The following SGMS1 variants were observed in gnomAD, a reference collection of about 807,000 sequenced individuals.
The protein encoded by SGMS1 is phosphatidylcholine:ceramide cholinephosphotransferase 1.
A neutral mutation model predicts 46.2 loss-of-function variants in SGMS1; 13 were observed. The observed-to-expected ratio is 0.28, with a 90% CI of 0.18 to 0.45. The LOEUF (loss-of-function observed/expected upper bound fraction) is 0.45, where lower values mean the gene tolerates loss of function less well. Ranked by LOEUF, SGMS1 falls within the 20% of genes least tolerant of loss-of-function variation. SGMS1 has a pLI of 1.00. For missense variants in SGMS1, 324 were observed against 519.9 expected, an observed-to-expected ratio of 0.62 and a Z score of 3.66; for synonymous variants, 203 against 187.8, an observed-to-expected ratio of 1.08 and a Z score of -0.66.
At chr10:50,409,075 A>G (rs1849062170) in intron 6 of SGMS1, among the ~76,000 whole-genome samples, 1 of 152,156 alleles carries the variant, frequency 6.6e-6, no homozygotes, top group South Asian at 2.1e-4. Context: ...GAAAGAGGTA[A>G]TGTTAGAATT....
intron 8 of SGMS1, among the ~76,000 whole-genome samples, chr10:50,311,651 A>G (rs1199025843): frequency 6.6e-6 from 1 of 152,234 alleles, no homozygotes; most frequent in African/African-American, 2.4e-5. Flanking sequence ...AGCACTTTTT[A>G]AAGCACGTGT....
rs376258306 is a variant in SGMS1 at position 50,376,048 on chromosome 10, C to A, written c.-231-31703G>T. On this transcript the variant is annotated intron_variant, in intron 6 of 10. Coordinates refer to ENST00000361781, the MANE Select transcript of SGMS1 (RefSeq NM_147156.4). ...TATAAGTCAAAGGTTTGGTCTCATG[C>A]TTTTATTTCTTCTAATTAAAAGGTA... Among the ~76,000 whole-genome samples, 3 of 152,030 alleles carry A rather than the reference C, an allele frequency of 2.0e-5. No homozygotes were observed. In the East Asian group the frequency reaches 5.8e-4, roughly 29 times the overall value.
intron 6 of SGMS1, among the ~76,000 whole-genome samples, chr10:50,410,709 T>C (rs7900063): frequency 0.031 from 4,788 of 152,228 alleles, 238 homozygotes; most frequent in African/African-American, 0.11. Context: ...ATTTGGAACT[T>C]AGGCAGATTT....
At chr10:50,378,529 A>G (rs955405582) in intron 6 of SGMS1, among the ~76,000 whole-genome samples, 2 of 152,224 alleles carry the variant, frequency 1.3e-5, no homozygotes, top group African/African-American at 4.8e-5. Context: ...ACAGCCAACT[A>G]CAGCAGTAAA....
intron 6 of SGMS1, among the ~76,000 whole-genome samples, chr10:50,404,950 A>G (rs749270647): frequency 6.6e-6 from 1 of 152,228 alleles, no homozygotes; most frequent in Non-Finnish European, 1.5e-5. Flanking sequence ...AAGTACAAAG[A>G]AAAAGCTAAG....
At chr10:50,545,836 T>C (rs1838096480) in intron 2 of SGMS1, among the ~76,000 whole-genome samples, 1 of 152,144 alleles carries the variant, frequency 6.6e-6, no homozygotes. Context: ...TTGGGGTATT[T>C]ATGGAGCTTA....
At chr10:50,439,396 A>G (rs1849514188) in intron 5 of SGMS1, among the ~76,000 whole-genome samples, 1 of 152,198 alleles carries the variant, frequency 6.6e-6, no homozygotes, top group Non-Finnish European at 1.5e-5. Context: ...AGAAATGCTC[A>G]TTAGTCTTCT....
intron 1 of SGMS1, among the ~76,000 whole-genome samples, chr10:50,619,006 G>A (rs964446430): frequency 6.6e-6 from 1 of 152,074 alleles, no homozygotes; most frequent in Non-Finnish European, 1.5e-5. Context: ...TTAAGAAAAT[G>A]CACACAGACC....
At chr10:50,576,159 C>T (rs997379420) in intron 2 of SGMS1, among the ~76,000 whole-genome samples, 1 of 152,150 alleles carries the variant, frequency 6.6e-6, no homozygotes, top group Admixed American at 6.6e-5. Context: ...AGCTTCTGAT[C>T]CATGAGGTAC....
chr10:50,575,111 G>C (rs772653890), intron 2 of SGMS1, among the ~76,000 whole-genome samples: 18 of 151,678 alleles, frequency 1.2e-4, no homozygotes, highest in Non-Finnish European at 2.7e-4. Context: ...ATGATTACCA[G>C]GGAACGGGGG....
At chr10:50,522,604 C>A (rs530074288) in intron 2 of SGMS1, among the ~76,000 whole-genome samples, 1 of 152,202 alleles carries the variant, frequency 6.6e-6, no homozygotes, top group East Asian at 1.9e-4. Context: ...ACTGGTGGGT[C>A]CTCTTGATCC....
At chr10:50,459,448 G>A (rs1837237123) in intron 5 of SGMS1, among the ~76,000 whole-genome samples, 1 of 152,140 alleles carries the variant, frequency 6.6e-6, no homozygotes, top group African/African-American at 2.4e-5. Context: ...TTGTTGCCCA[G>A]GCTGGAGTGC....
chr10:50,375,780 T>C (rs182163995), intron 6 of SGMS1, among the ~76,000 whole-genome samples: 100 of 152,250 alleles, frequency 6.6e-4, no homozygotes, highest in African/African-American at 2.2e-3. Context: ...TGTACAGACC[T>C]CAAAACAGCA....
At chr10:50,388,674 C>G (rs563181730) in intron 6 of SGMS1, among the ~76,000 whole-genome samples, 8 of 151,950 alleles carry the variant, frequency 5.3e-5, no homozygotes, top group African/African-American at 1.9e-4. Flanking sequence ...ATAGCGAGCG[C>G]TTGATATGTA....
intron 2 of SGMS1, among the ~76,000 whole-genome samples, chr10:50,551,134 T>C (rs1435003871): frequency 1.3e-5 from 2 of 151,958 alleles, no homozygotes; most frequent in Non-Finnish European, 2.9e-5. Context: ...AACTTGACAG[T>C]GGAGAAACCT....
chr10:50,527,978 T>C (rs1837919285), intron 2 of SGMS1, among the ~76,000 whole-genome samples: 1 of 152,188 alleles, frequency 6.6e-6, no homozygotes, highest in African/African-American at 2.4e-5. Context: ...AGAAAATTTA[T>C]GAAAGAGTTT....
chr10:50,381,396 C>T (rs977200340), intron 6 of SGMS1, among the ~76,000 whole-genome samples: 1 of 151,968 alleles, frequency 6.6e-6, no homozygotes, highest in Non-Finnish European at 1.5e-5. Flanking sequence ...GTTCTGCCAC[C>T]CATGACTACA....
At chr10:50,428,528 G>A (rs1441015076) in intron 6 of SGMS1, among the ~76,000 whole-genome samples, 2 of 152,162 alleles carry the variant, frequency 1.3e-5, no homozygotes, top group East Asian at 1.9e-4. Flanking sequence ...AAAATGGCTA[G>A]AGCTGAGCTT....
At chr10:50,403,915 T>C (rs1848975765) in intron 6 of SGMS1, among the ~76,000 whole-genome samples, 1 of 151,796 alleles carries the variant, frequency 6.6e-6, no homozygotes, top group Non-Finnish European at 1.5e-5. Context: ...CCTTCTTTTA[T>C]TTCCTTTGTA....
Sources: allele counts gnomAD v4.1 joint callset (sites outside exome capture counted in the v4.1 genomes callset), GRCh38; gene constraint gnomAD v4.1.1; transcripts MANE v1.5; gene names NCBI Gene and HGNC (gene_info 2026-07-23, HGNC 2026-07-21).